The following ARR3 variants were observed in gnomAD, a reference collection of about 807,000 sequenced individuals.
ARR3 encodes arrestin 3, also known as arrestin-C.
Under a neutral mutation model 35.4 loss-of-function variants are expected in ARR3, and 14 were observed. The observed-to-expected ratio is 0.40, with a 90% CI of 0.26 to 0.62. ARR3 has a LOEUF of 0.62. Among genes scored for constraint, ARR3 ranks in the 20% least tolerant of loss-of-function variants. The pLI, the probability that ARR3 is intolerant of heterozygous loss-of-function variation, is 0.46. For synonymous variants in ARR3, 97 were observed against 119.1 expected, an observed-to-expected ratio of 0.81 and a Z score of 1.21; for missense variants, 259 against 303.8, an observed-to-expected ratio of 0.85 and a Z score of 1.10.
At position 70,271,406 on chromosome X, in the gene ARR3, C is replaced by T. The variant is rs73538932; in HGVS notation, c.145+1262C>T. Among the ~76,000 whole-genome samples the T allele has an allele frequency of 2.2e-3, 247 of 111,948 alleles. 2 individuals are homozygous for T. The highest frequency in any genetic ancestry group is 7.6e-3 in the African/African-American group (233 of 30,820). ...ACCTCTGTGAAGATTGTCTTGTTTG[C>T]ATCATATTTTCTAATGTGTTTTTCT... is the stretch of plus-strand genomic sequence containing the variant. On this transcript the variant is annotated intron_variant, in intron 5 of 16. Transcript: ENST00000307959.
intron 10 of ARR3, 49 bp downstream of exon 10, chrX:70,277,849 C>A: frequency 9.1e-7 from 1 of 1,102,052 alleles, no homozygotes; most frequent in African/African-American, 1.8e-5. Flanking sequence ...AGCCACAGGT[C>A]TTTTCCCAAA....
chrX:70,270,122 T>G lies in ARR3; in HGVS notation c.123T>G (p.Pro41=), dbSNP rs2085624274. The G allele has an allele frequency of 8.3e-7, 1 of 1,210,564 alleles. No individual in the cohort carries two copies. Among genetic ancestry groups the G allele is most frequent in the South Asian group, 1.8e-5 (1 of 56,833 alleles). The change falls in exon 5 of 17, where the codon CCT becomes CCG. Residue 41 remains proline (P), a synonymous_variant. Coordinates refer to ENST00000307959, the MANE Select transcript of ARR3 (RefSeq NM_004312.3). ...EPIDGVVLVD[P]EYLKCRKLFV... Reference sequence around the variant, plus strand: ...CAGACGGTGTTGTCCTGGTTGATCCTGAGTACTTAAAATGTCGAAAGTGTA... The same window carrying G: ...CAGACGGTGTTGTCCTGGTTGATCCGGAGTACTTAAAATGTCGAAAGTGTA...
chrX:70,269,569 A>C (rs1275024929), intron 2 of ARR3, 93 bp from the exon 3 acceptor site: 4 of 1,078,353 alleles, frequency 3.7e-6, no homozygotes, highest in Non-Finnish European at 5.0e-6. Context: ...TCCTAATCCT[A>C]AGAATATTTC....
Position 70,277,523 on chromosome X carries a change from CAGGG to C in ARR3, c.607_609+1del. The C allele has an allele frequency of 8.3e-7, 1 of 1,209,384 alleles. No individual in the cohort carries two copies. The highest frequency in any genetic ancestry group is 1.1e-6 in the Non-Finnish European group (1 of 894,510). On this transcript the variant is annotated frameshift_variant and splice_region_variant, in exon 9 of 17. Coordinates refer to ENST00000307959, the MANE Select transcript of ARR3 (RefSeq NM_004312.3). LOFTEE classifies it high-confidence loss of function. ...CCCTACAACTCCAGGCCTGGATGGACAGGGAGGTTTGTGACCCCCACTTTTTGCC... is the reference window on the plus strand; with the variant it reads ...CCCTACAACTCCAGGCCTGGATGGACAGGTTTGTGACCCCCACTTTTTGCC...
Position 70,275,112 on chromosome X carries a change from T to C in ARR3, c.146-970T>C, listed in dbSNP as rs1376244738. Among the ~76,000 whole-genome samples, 3 of 112,560 alleles carry C rather than the reference T, an allele frequency of 2.7e-5. No individual in the cohort carries two copies. The East Asian group carries it at 8.3e-4, about 31-fold the overall frequency. ...TGTATCTCTCCTGAACAAAAGCTCCTTTAAAGTCAACTTATTAGCTCATAC... is the reference window on the plus strand; with the variant it reads ...TGTATCTCTCCTGAACAAAAGCTCCCTTAAAGTCAACTTATTAGCTCATAC... On this transcript the variant is annotated intron_variant, in intron 5 of 16. Transcript: ENST00000307959.
At chrX:70,278,709 G>A in intron 12 of ARR3, 68 bp downstream of exon 12, 1 of 1,141,309 alleles carries the variant, frequency 8.8e-7, no homozygotes, top group Non-Finnish European at 1.2e-6. Context: ...TACATTTACA[G>A]CTCTGAGGTT....
intron 5 of ARR3, among the ~76,000 whole-genome samples, chrX:70,271,822 A>G (rs936952385): frequency 8.9e-6 from 1 of 111,923 alleles, no homozygotes; most frequent in Non-Finnish European, 1.9e-5. Context: ...ATTTTGTAGA[A>G]TAAACACAAC....
rs888603150 is a variant in ARR3 at position 70,276,256 on chromosome X, A to G, written c.320A>G (p.Asp107Gly). The stretch of plus-strand genomic sequence containing the variant: ...GAGCGACTACTGCACAAGCTAGGGG[A>G]CAATGCCTACCCCTTTACCCTGCAG... The part of the protein sequence containing the change: ...LQERLLHKLG[D>G]NAYPFTLQMV... Residue 107 changes from aspartate (D) to glycine (G), a missense_variant, in exon 6 of 17, where the codon GAC becomes GGC. Asp to Gly is a moderately conservative substitution (Grantham distance 94). Transcript: ENST00000307959. 4 of 1,209,906 alleles carry G rather than the reference A, an allele frequency of 3.3e-6. No homozygotes were observed. Among genetic ancestry groups the G allele is most frequent in the Non-Finnish European group, 4.5e-6 (4 of 895,112 alleles).
In ARR3 at chrX:70,276,019, C is replaced by G. The variant is rs5980910; in HGVS notation, c.146-63C>G. On this transcript the variant is annotated intron_variant, in intron 5 of 16. Coordinates refer to ENST00000307959, the MANE Select transcript of ARR3 (RefSeq NM_004312.3). ...CATCACCTCTCTGTGTCTTCTTGACCCAGTTAAGATTCCCCTTCCCACTCA... is the reference window on the plus strand; with the variant it reads ...CATCACCTCTCTGTGTCTTCTTGACGCAGTTAAGATTCCCCTTCCCACTCA... 3.7e-3 allele frequency: 4,160 copies of G among 1,124,240 alleles called. 103 individuals are homozygous for G. The African/African-American group carries it at 0.065, about 18-fold the overall frequency. The allele number at this position is 1,124,240 out of a possible 1,213,427, so 92.6% of individuals were successfully genotyped here. A position where few individuals can be genotyped will look rare whatever the true frequency, so the allele number is the denominator to read the frequency against.
Position 70,281,104 on chromosome X carries a change from G to T in ARR3, c.1072G>T (p.Ala358Ser). ...LIHPKPSHEA[A>S]SSEDIVIEEF... is the part of the protein sequence containing the mutation. ...CGTCTCCATGCTTGCTACAGAGGCC[G>T]CTAGGTAATGGAATACAAGATTGGG... is the stretch of plus-strand genomic sequence containing the variant. Residue 358 changes from alanine (A) to serine (S), a missense_variant, in exon 16 of 17, where the codon GCT (alanine) becomes TCT (serine). Transcript: ENST00000307959. 2 of 1,209,250 alleles carry T rather than the reference G, an allele frequency of 1.7e-6. No homozygotes were observed. The highest frequency in any genetic ancestry group is 1.8e-5 in the South Asian group (1 of 56,596).
At chrX:70,277,279 G>A (rs1338648935) in intron 8 of ARR3, 115 bp from the exon 9 acceptor site, 6 of 991,874 alleles carry the variant, frequency 6.0e-6, no homozygotes, top group East Asian at 6.3e-5. Context: ...GTTCTCTGAG[G>A]GAGGCCTTCC....
chrX:70,281,542 C>T, intron 16 of ARR3, 134 bp from the exon 17 acceptor site: 1 of 539,549 alleles, frequency 1.9e-6, no homozygotes, highest in Non-Finnish European at 3.1e-6. Flanking sequence ...GTGGGGACAC[C>T]AAGAGGGGGC....
At chrX:70,270,201 G>A (rs1277398035) in intron 5 of ARR3, 57 bp downstream of exon 5, 11 of 1,116,313 alleles carry the variant, frequency 9.9e-6, no homozygotes, top group Non-Finnish European at 1.4e-5. Context: ...CCGATGAGTG[G>A]ATTGCACCAG....
chrX:70,273,655 A>C (rs982403180), intron 5 of ARR3, among the ~76,000 whole-genome samples: 9 of 111,526 alleles, frequency 8.1e-5, no homozygotes, highest in African/African-American at 2.9e-4. Context: ...CTCTGAGCTC[A>C]CTTTCTTTGC....
chrX:70,280,980 C>A (rs1326220277), intron 15 of ARR3, 119 bp from the exon 16 acceptor site: 1 of 918,672 alleles, frequency 1.1e-6, no homozygotes, highest in African/African-American at 2.6e-5. Context: ...GTCGTGTGTG[C>A]TGGAGCAAAG....
chrX:70,275,885 G>T (rs761374695), intron 5 of ARR3, among the ~76,000 whole-genome samples, 197 bp from the exon 6 acceptor site: 6 of 108,513 alleles, frequency 5.5e-5, no homozygotes, highest in Non-Finnish European at 1.1e-4. Context: ...CACTGTGTTA[G>T]CCAGGGTGGT....
At position 70,279,200 on chromosome X, in the gene ARR3, T is replaced by C. The variant is rs192772990; in HGVS notation, c.905+559T>C. Among the ~76,000 whole-genome samples the C allele has an allele frequency of 3.5e-3, 396 of 112,006 alleles. 5 individuals are homozygous for C. Among genetic ancestry groups the C allele is most frequent in the Non-Finnish European group, 5.6e-3 (297 of 53,183 alleles). On this transcript the variant is annotated intron_variant, in intron 12 of 16. Transcript: ENST00000307959. ...GGAAAAGGAGGACAAAAAAGGAAAA[T>C]GATGCAACAGGAATTAATAGAATTC...
intron 8 of ARR3, among the ~76,000 whole-genome samples, chrX:70,277,010 C>G (rs1023039635): frequency 1.8e-5 from 2 of 112,836 alleles, no homozygotes; most frequent in African/African-American, 6.4e-5. Flanking sequence ...GCAATCGCAG[C>G]CACAGATAGT....
chrX:70,280,618 AGAG>A (rs2085676526), intron 14 of ARR3, 36 bp downstream of exon 14: 3 of 1,196,708 alleles, frequency 2.5e-6, no homozygotes, highest in Non-Finnish European at 3.4e-6. Context: ...TTGGGCAAGA[AGAG>A]GAGGACAAGG....
Sources: gnomAD v4.1 joint callset for allele counts (sites outside exome capture counted in the v4.1 genomes callset) on GRCh38, gnomAD v4.1.1 for gene constraint, MANE v1.5 for transcripts, NCBI Gene and HGNC (gene_info 2026-07-23, HGNC 2026-07-21) for gene names.